Variants in NXPH1 observed in about 807,000 individuals in gnomAD.
NXPH1 encodes the protein neurexophilin 1.
A neutral mutation model predicts 23.7 loss-of-function variants in NXPH1; 5 were observed. The ratio of observed to expected loss-of-function variants is 0.21; its 90% confidence interval spans 0.11 to 0.44. NXPH1 has a LOEUF of 0.44. Ranked by LOEUF, NXPH1 falls within the 20% of genes least tolerant of loss-of-function variation. The pLI is 0.99. For missense variants in NXPH1, 324 were observed against 321.6 expected, an observed-to-expected ratio of 1.01 and a Z score of -0.06; for synonymous variants, 144 against 122.2, an observed-to-expected ratio of 1.18 and a Z score of -1.18.
intron 2 of NXPH1, among the ~76,000 whole-genome samples, chr7:8,499,954 A>G (rs76828410): frequency 0.099 from 15,086 of 152,102 alleles, 977 homozygotes; most frequent in Non-Finnish European, 0.14. Context: ...GGACAGAAAA[A>G]TCTCTTCATA....
chr7:8,665,902 GTTTTTTTTTCTTTTTCTT>G (rs1820752817), intron 2 of NXPH1, among the ~76,000 whole-genome samples: 2 of 73,980 alleles, frequency 2.7e-5, no homozygotes, highest in Admixed American at 3.0e-4. Context: ...GTTCTAAGAG[GTTTTTTTTTCTTTTTCTT>G]TTTTTTTTTT....
intron 2 of NXPH1, among the ~76,000 whole-genome samples, chr7:8,697,288 T>G (rs1779545017): frequency 6.6e-6 from 1 of 151,516 alleles, no homozygotes; most frequent in South Asian, 2.1e-4. Context: ...GGGTTTGAAA[T>G]GGGAAAGTGA....
intron 2 of NXPH1, among the ~76,000 whole-genome samples, chr7:8,634,249 T>G (rs1023010765): frequency 8.6e-5 from 13 of 152,024 alleles, no homozygotes; most frequent in Non-Finnish European, 1.6e-4. Context: ...ATAGTGAATA[T>G]CTCATGAGAA....
At chr7:8,576,194 T>A (rs369630740) in intron 2 of NXPH1, among the ~76,000 whole-genome samples, 2 of 152,180 alleles carry the variant, frequency 1.3e-5, no homozygotes, top group Admixed American at 1.3e-4. Flanking sequence ...TCTAGGCATA[T>A]GTTTGAAAAC....
intron 2 of NXPH1, among the ~76,000 whole-genome samples, chr7:8,679,848 C>T (rs1243317132): frequency 6.6e-6 from 1 of 152,238 alleles, no homozygotes; most frequent in Non-Finnish European, 1.5e-5. Context: ...TGGTGAAACT[C>T]TGTCTCTACT....
At chr7:8,603,288 T>C (rs1819404741) in intron 2 of NXPH1, among the ~76,000 whole-genome samples, 1 of 152,232 alleles carries the variant, frequency 6.6e-6, no homozygotes, top group Non-Finnish European at 1.5e-5. Context: ...TATTCAGTAG[T>C]ATAAAGCATT....
intron 2 of NXPH1, among the ~76,000 whole-genome samples, chr7:8,690,120 C>G (rs140809411): frequency 5.1e-4 from 77 of 152,330 alleles, no homozygotes; most frequent in African/African-American, 1.8e-3. Flanking sequence ...AATCTAGACT[C>G]ATACCCCTGT....
At chr7:8,716,589 T>G (rs533686413) in intron 2 of NXPH1, among the ~76,000 whole-genome samples, 1 of 152,328 alleles carries the variant, frequency 6.6e-6, no homozygotes, top group East Asian at 1.9e-4. Context: ...AAGAAAAATT[T>G]AAACTTGTGA....
intron 2 of NXPH1, among the ~76,000 whole-genome samples, chr7:8,488,256 TTACA>T (rs1817191393): frequency 6.6e-6 from 1 of 152,024 alleles, no homozygotes; most frequent in Admixed American, 6.6e-5. Flanking sequence ...ATATTACATC[TTACA>T]TACTACATCT....
chr7:8,506,472 A>G (rs886584476), intron 2 of NXPH1, among the ~76,000 whole-genome samples: 1 of 152,088 alleles, frequency 6.6e-6, no homozygotes, highest in South Asian at 2.1e-4. Context: ...AGTTTATTCA[A>G]CTATCTAGTG....
chr7:8,467,574 G>A (rs1816805373), intron 2 of NXPH1, among the ~76,000 whole-genome samples: 1 of 152,152 alleles, frequency 6.6e-6, no homozygotes, highest in Non-Finnish European at 1.5e-5. Flanking sequence ...TATAAGTTAA[G>A]TGAGGGATAT....
In NXPH1 at chr7:8,751,256, G is replaced by A; in HGVS notation, c.303G>A (p.Arg101=). ...LRNSTDLQEP[R]PRAKRRPIVK... is the part of the protein sequence containing the mutation. Reference sequence around the variant, plus strand: ...ACTCCACAGACCTTCAAGAGCCTCGGCCCAGGGCCAAGAGAAGGCCCATTG... The same window carrying A: ...ACTCCACAGACCTTCAAGAGCCTCGACCCAGGGCCAAGAGAAGGCCCATTG... The change falls in exon 3 of 3, where the codon CGG becomes CGA. Residue 101 remains arginine (R), a synonymous_variant. Transcript: ENST00000405863. This position sits in a 1 kb window ranked among gnomAD's most constrained non-coding sequence, Gnocchi z 4.5. The A allele has an allele frequency of 2.5e-6, 4 of 1,613,938 alleles. No individual in the cohort carries two copies. The highest frequency in any genetic ancestry group is 3.4e-6 in the Non-Finnish European group (4 of 1,179,838).
At chr7:8,662,233 G>T (rs1009325719) in intron 2 of NXPH1, among the ~76,000 whole-genome samples, 1 of 151,424 alleles carries the variant, frequency 6.6e-6, no homozygotes, top group Admixed American at 6.6e-5. Flanking sequence ...AAGAAGAGAT[G>T]GATAGTTGTA....
chr7:8,737,466 C>A (rs1287303791), intron 2 of NXPH1, among the ~76,000 whole-genome samples: 1 of 152,180 alleles, frequency 6.6e-6, no homozygotes, highest in East Asian at 1.9e-4. Flanking sequence ...GGCCCCCAGT[C>A]TCTTGTGGCT....
chr7:8,623,239 C>T (rs74618633), intron 2 of NXPH1, among the ~76,000 whole-genome samples: 3,703 of 151,696 alleles, frequency 0.024, 137 homozygotes, highest in African/African-American at 0.078. Context: ...CTCTGGGAGA[C>T]GAATTAAAAC....
At chr7:8,610,156 A>G (rs1230890726) in intron 2 of NXPH1, among the ~76,000 whole-genome samples, 1 of 152,182 alleles carries the variant, frequency 6.6e-6, no homozygotes, top group Non-Finnish European at 1.5e-5. Context: ...CATTTGACTA[A>G]CAGCATTAGA....
intron 2 of NXPH1, among the ~76,000 whole-genome samples, chr7:8,515,137 G>A (rs1465970447): frequency 6.6e-6 from 1 of 152,108 alleles, no homozygotes; most frequent in Non-Finnish European, 1.5e-5. Context: ...CAGCTAAAAT[G>A]ACCTTTTAAA....
At chr7:8,730,029 T>A (rs575799533) in intron 2 of NXPH1, among the ~76,000 whole-genome samples, 13 of 152,328 alleles carry the variant, frequency 8.5e-5, no homozygotes, top group South Asian at 8.3e-4. Context: ...TGCTCCTATA[T>A]TGGGTGCATA....
intron 2 of NXPH1, among the ~76,000 whole-genome samples, chr7:8,488,900 A>G (rs759238547): frequency 6.6e-6 from 1 of 152,148 alleles, no homozygotes; most frequent in Non-Finnish European, 1.5e-5. Context: ...GTAACTGTCA[A>G]CTTCATCTTT....
Sources: gnomAD v4.1 joint callset for allele counts (sites outside exome capture counted in the v4.1 genomes callset) on GRCh38, gnomAD v4.1.1 for gene constraint, Gnocchi (gnomAD v3.1) non-coding constraint, MANE v1.5 for transcripts, NCBI Gene and HGNC (gene_info 2026-07-23, HGNC 2026-07-21) for gene names.